The following TIAM2 variants were observed in gnomAD, a reference collection of about 807,000 sequenced individuals.
The protein encoded by TIAM2 is rho guanine nucleotide exchange factor TIAM2.
In TIAM2, 80 loss-of-function variants were observed where a neutral mutation model predicts 152.9. The ratio of observed to expected loss-of-function variants is 0.52; its 90% CI spans 0.44 to 0.63. The LOEUF (loss-of-function observed/expected upper bound fraction) is 0.63, where lower values mean the gene tolerates loss of function less well. Among genes scored for constraint, TIAM2 ranks in the 30% least tolerant of loss-of-function variants. TIAM2 has a pLI of 0.00. For synonymous variants in TIAM2, 804 were observed against 838.0 expected, an observed-to-expected ratio of 0.96 and a Z score of 0.70; for missense variants, 1,965 against 2,120.1, an observed-to-expected ratio of 0.93 and a Z score of 1.44.
chr6:155,094,498 T>G (rs1778369053), intron 2 of TIAM2, among the ~76,000 whole-genome samples: 1 of 151,990 alleles, frequency 6.6e-6, no homozygotes, highest in African/African-American at 2.4e-5. Flanking sequence ...AACAAGTGGT[T>G]TCTGTGTCTT....
intron 15 of TIAM2, among the ~76,000 whole-genome samples, chr6:155,220,806 T>A (rs1365021026): frequency 6.6e-6 from 1 of 152,214 alleles, no homozygotes; most frequent in Non-Finnish European, 1.5e-5. Flanking sequence ...GGGATACATG[T>A]GCAGAATGTG....
At chr6:155,102,539 C>T (rs920062685) in intron 2 of TIAM2, among the ~76,000 whole-genome samples, 2 of 152,102 alleles carry the variant, frequency 1.3e-5, no homozygotes, top group Non-Finnish European at 2.9e-5. Context: ...GATAGTGGCT[C>T]TCAAACTTTT....
chr6:155,151,515 A>G (rs2115071684), intron 7 of TIAM2, among the ~76,000 whole-genome samples: 1 of 152,314 alleles, frequency 6.6e-6, no homozygotes, highest in East Asian at 1.9e-4. Flanking sequence ...CAACGTACAT[A>G]TTTCGGAGGG....
chr6:155,012,226 A>G (rs774985032), intron 1 of TIAM2, among the ~76,000 whole-genome samples: 1 of 152,110 alleles, frequency 6.6e-6, no homozygotes, highest in Admixed American at 6.6e-5. Context: ...TTGCGTTGTC[A>G]TATTTCATTT....
intron 14 of TIAM2, among the ~76,000 whole-genome samples, chr6:155,205,489 A>T (rs1365085207): frequency 6.6e-6 from 1 of 152,126 alleles, no homozygotes; most frequent in Non-Finnish European, 1.5e-5. Flanking sequence ...CTGTCCTTAC[A>T]ATCAGGAGCT....
rs1437571079 is a variant in TIAM2 at position 155,129,371 on chromosome 6, A to C, written c.148A>C (p.Ser50Arg). ...EKSLHGWGHG[S>R]NGAGYKSRSL... is the part of the protein sequence containing the mutation. ...GTCATTGCATGGATGGGGTCACGGA[A>C]GCAACGGAGCAGGTTACAAGTCCAG... The change falls in exon 4 of 27, where the codon AGC becomes CGC. Residue 50 changes from serine to arginine, a missense_variant. This residue lies in a region of TIAM2 where 1,025 missense variants were observed against 1,119.4 expected (regional missense o/e 0.92). Transcript: ENST00000682666. This position sits in a 1 kb window ranked among gnomAD's most constrained non-coding sequence, Gnocchi z 4.8. The C allele has an allele frequency of 6.2e-7, 1 of 1,614,186 alleles. No individual in the cohort carries two copies. Among genetic ancestry groups the C allele is most frequent in the East Asian group, 2.2e-5 (1 of 44,884 alleles).
At chr6:155,248,535 C>A (rs1783467583) in intron 20 of TIAM2, among the ~76,000 whole-genome samples, 1 of 152,214 alleles carries the variant, frequency 6.6e-6, no homozygotes, top group African/African-American at 2.4e-5. Context: ...TATTTTCCTA[C>A]CACTTGGTTA....
At chr6:155,222,190 G>A (rs913756215) in intron 15 of TIAM2, among the ~76,000 whole-genome samples, 2 of 151,892 alleles carry the variant, frequency 1.3e-5, no homozygotes, top group African/African-American at 4.8e-5. Context: ...CTGACCTCAG[G>A]TGATCCACAC....
At chr6:155,199,169 A>G (rs150899892) in intron 14 of TIAM2, among the ~76,000 whole-genome samples, 179 of 152,088 alleles carry the variant, frequency 1.2e-3, no homozygotes, top group African/African-American at 4.0e-3. Flanking sequence ...TCTGCCTCCC[A>G]GGTTCAAGCG....
intron 21 of TIAM2, 38 bp downstream of exon 21, chr6:155,250,007 G>A: frequency 6.6e-7 from 1 of 1,515,108 alleles, no homozygotes; most frequent in Non-Finnish European, 9.1e-7. Flanking sequence ...CCTAGTGCAT[G>A]TGGTGTGGGG....
At chr6:155,056,644 A>C (rs1447466815) in intron 1 of TIAM2, among the ~76,000 whole-genome samples, 2 of 152,080 alleles carry the variant, frequency 1.3e-5, no homozygotes, top group Non-Finnish European at 2.9e-5. Context: ...TAAAGTTTTT[A>C]TTGTAGAACA....
At chr6:155,226,453 T>C (rs1001765793) in intron 15 of TIAM2, among the ~76,000 whole-genome samples, 1 of 152,138 alleles carries the variant, frequency 6.6e-6, no homozygotes, top group East Asian at 1.9e-4. Flanking sequence ...GTGGATCACT[T>C]GAGGTCAGGA....
At chr6:155,244,593 G>A in intron 17 of TIAM2, 65 bp from the exon 18 acceptor site, 2 of 1,564,606 alleles carry the variant, frequency 1.3e-6, no homozygotes, top group Non-Finnish European at 1.7e-6. Context: ...GTGGGCCTAA[G>A]AGTTAGCGTG....
At chr6:155,179,527 G>A in intron 12 of TIAM2, 71 bp downstream of exon 12, 1 of 1,428,650 alleles carries the variant, frequency 7.0e-7, no homozygotes. Context: ...CAGCATCTTT[G>A]GACTTAATTT....
chr6:155,041,625 A>G (rs1292131963), intron 1 of TIAM2, among the ~76,000 whole-genome samples: 1 of 150,882 alleles, frequency 6.6e-6, no homozygotes, highest in East Asian at 1.9e-4. Flanking sequence ...CACAGCTTTG[A>G]TTTGATCACA....
At chr6:155,206,622 G>A (rs1257929418) in intron 14 of TIAM2, among the ~76,000 whole-genome samples, 2 of 152,188 alleles carry the variant, frequency 1.3e-5, no homozygotes, top group Non-Finnish European at 2.9e-5. Flanking sequence ...TGGATGCACA[G>A]TGTCTGGCAC....
chr6:155,182,099 G>T, intron 12 of TIAM2, 127 bp from the exon 13 acceptor site: 1 of 718,570 alleles, frequency 1.4e-6, no homozygotes. Flanking sequence ...CAAAATAGCT[G>T]TAATTTCGAC....
At chr6:154,999,854 T>C (rs746430663) in intron 1 of TIAM2, among the ~76,000 whole-genome samples, 1 of 151,914 alleles carries the variant, frequency 6.6e-6, no homozygotes, top group Non-Finnish European at 1.5e-5. Context: ...AATTTTTGCA[T>C]TTTTAGTACA....
At chr6:155,159,023 TCTAAA>T (rs1246501421) in intron 7 of TIAM2, among the ~76,000 whole-genome samples, 3 of 152,220 alleles carry the variant, frequency 2.0e-5, no homozygotes, top group Non-Finnish European at 2.9e-5. Context: ...GTACTGAATC[TCTAAA>T]CTAACATACA....
Sources: gnomAD v4.1 joint callset for allele counts (sites outside exome capture counted in the v4.1 genomes callset) on GRCh38, gnomAD v4.1.1 for gene constraint, gnomAD v4.1.1 regional missense constraint, Gnocchi (gnomAD v3.1) non-coding constraint, MANE v1.5 for transcripts, NCBI Gene and HGNC (gene_info 2026-07-23, HGNC 2026-07-21) for gene names.